MIS18A: variants seen among roughly 807,000 people sequenced by gnomAD.
MIS18A encodes MIS18 kinetochore protein A.
MIS18A carries 14 observed loss-of-function variants against 25.0 expected under a neutral mutation model. The ratio of observed to expected loss-of-function variants is 0.56; its 90% confidence interval spans 0.37 to 0.88. The LOEUF is 0.88. MIS18A is among the 40% of genes least tolerant of loss of function. The pLI, the probability that MIS18A is intolerant of heterozygous loss-of-function variation, is 0.00. For missense variants in MIS18A, 292 were observed against 290.8 expected, an observed-to-expected ratio of 1.00 and a Z score of -0.03; for synonymous variants, 134 against 118.6, an observed-to-expected ratio of 1.13 and a Z score of -0.84.
the MIS18A span, among the ~76,000 whole-genome samples, chr21:32,203,950 TA>T: frequency 6.6e-6 from 1 of 151,994 alleles, no homozygotes; most frequent in Non-Finnish European, 1.5e-5. Context: ...GGTGAGCTTA[TA>T]AATGGAAGAC....
At chr21:32,166,146 T>C in the MIS18A span, among the ~76,000 whole-genome samples, 1 of 152,152 alleles carries the variant, frequency 6.6e-6, no homozygotes. Context: ...TAGGTGAATG[T>C]AGTGTTCTAC....
the MIS18A span, among the ~76,000 whole-genome samples, chr21:32,233,780 G>A: frequency 1.3e-5 from 2 of 152,286 alleles, no homozygotes; most frequent in Admixed American, 1.3e-4. Context: ...CCATGGACTT[G>A]TTCTGCTCCC....
At chr21:32,206,132 G>A in the MIS18A span, among the ~76,000 whole-genome samples, 1 of 152,112 alleles carries the variant, frequency 6.6e-6, no homozygotes, top group Non-Finnish European at 1.5e-5. Context: ...ATCTGACTCA[G>A]TCTCACTTTT....
At chr21:32,202,988 A>C in the MIS18A span, among the ~76,000 whole-genome samples, 2 of 152,200 alleles carry the variant, frequency 1.3e-5, no homozygotes, top group Non-Finnish European at 2.9e-5. Flanking sequence ...TTTGGGGTAT[A>C]TGCCCAGAAG....
At chr21:32,229,276 T>A in the MIS18A span, among the ~76,000 whole-genome samples, 1 of 152,202 alleles carries the variant, frequency 6.6e-6, no homozygotes, top group Non-Finnish European at 1.5e-5. Context: ...TTTAACCAAG[T>A]GCTATGTCTA....
chr21:32,265,527 C>T (rs558050320), downstream of MIS18A, among the ~76,000 whole-genome samples: 61 of 152,348 alleles, frequency 4.0e-4, no homozygotes, highest in Non-Finnish European at 6.5e-4. Flanking sequence ...GGCCCACCGG[C>T]GCTGTGCTGG....
chr21:32,169,222 C>A, the MIS18A span, among the ~76,000 whole-genome samples: 1 of 150,378 alleles, frequency 6.6e-6, no homozygotes, highest in Non-Finnish European at 1.5e-5. Flanking sequence ...AGCAGTCTAG[C>A]AGCCACTGGA....
chr21:32,246,292 A>G, the MIS18A span, among the ~76,000 whole-genome samples: 4 of 152,176 alleles, frequency 2.6e-5, no homozygotes, highest in Non-Finnish European at 5.9e-5. Flanking sequence ...CTGGGCCAGC[A>G]GAGCTCAGCT....
chr21:32,244,412 G>A, the MIS18A span, among the ~76,000 whole-genome samples: 1 of 151,996 alleles, frequency 6.6e-6, no homozygotes, highest in Non-Finnish European at 1.5e-5. Flanking sequence ...TTGATCCTTT[G>A]TAAAATATGC....
chr21:32,258,867 TTTATTTATTTAC>T, the MIS18A span, among the ~76,000 whole-genome samples: 205 of 122,700 alleles, frequency 1.7e-3, no homozygotes, highest in African/African-American at 4.7e-3. Context: ...TATTTATTTA[TTTATTTATTTAC>T]TTACTTACTT....
At chr21:32,205,936 C>G in the MIS18A span, among the ~76,000 whole-genome samples, 143 of 151,862 alleles carry the variant, frequency 9.4e-4, no homozygotes, top group Non-Finnish European at 1.5e-3. Context: ...AGACCCCCCC[C>G]ATTCCAGTCG....
At chr21:32,164,253 AT>A in the MIS18A span, among the ~76,000 whole-genome samples, 1 of 152,164 alleles carries the variant, frequency 6.6e-6, no homozygotes, top group Non-Finnish European at 1.5e-5. Flanking sequence ...TCCTGCACAG[AT>A]TTTAATCAGG....
the MIS18A span, among the ~76,000 whole-genome samples, chr21:32,230,403 C>T: frequency 6.6e-6 from 1 of 152,076 alleles, no homozygotes; most frequent in Non-Finnish European, 1.5e-5. Flanking sequence ...ATACGATAAC[C>T]TGAATAATGT....
chr21:32,253,799 C>T, the MIS18A span, among the ~76,000 whole-genome samples: 118 of 152,286 alleles, frequency 7.7e-4, no homozygotes, highest in Middle Eastern at 3.4e-3. Context: ...CATTCAAGCA[C>T]CACAGCTTCC....
At chr21:32,262,798 G>C in the MIS18A span, among the ~76,000 whole-genome samples, 2 of 152,186 alleles carry the variant, frequency 1.3e-5, no homozygotes, top group Non-Finnish European at 2.9e-5. Flanking sequence ...GAGCCAACTT[G>C]AATGAAATGA....
the MIS18A span, among the ~76,000 whole-genome samples, chr21:32,214,386 G>A: frequency 6.6e-6 from 1 of 152,160 alleles, no homozygotes; most frequent in Non-Finnish European, 1.5e-5. Context: ...TTGGAGAGGC[G>A]AGAGCTGGGA....
the MIS18A span, among the ~76,000 whole-genome samples, chr21:32,165,791 A>G: frequency 6.6e-6 from 1 of 152,190 alleles, no homozygotes; most frequent in Non-Finnish European, 1.5e-5. Flanking sequence ...GAGGTGAATA[A>G]GCACACTTTT....
At chr21:32,180,145 CAT>C in the MIS18A span, among the ~76,000 whole-genome samples, 1 of 152,198 alleles carries the variant, frequency 6.6e-6, no homozygotes, top group African/African-American at 2.4e-5. Flanking sequence ...ATTATTGAGA[CAT>C]GTTCCCTCCT....
chr21:32,160,116 T>G, the MIS18A span, among the ~76,000 whole-genome samples: 1 of 152,172 alleles, frequency 6.6e-6, no homozygotes, highest in African/African-American at 2.4e-5. Context: ...TTGATTTTCT[T>G]CCTTGTTATG....
Sources: gnomAD v4.1 joint callset for allele counts (sites outside exome capture counted in the v4.1 genomes callset) on GRCh38, gnomAD v4.1.1 for gene constraint, MANE v1.5 for transcripts, NCBI Gene and HGNC (gene_info 2026-07-23, HGNC 2026-07-21) for gene names.